The following FSTL5 variants were observed in gnomAD, a reference collection of about 807,000 sequenced individuals.
The protein encoded by FSTL5 is follistatin like 5, also known as follistatin-related protein 5.
A neutral mutation model predicts 89.1 loss-of-function variants in FSTL5; 62 were observed. The observed-to-expected ratio is 0.70, with a 90% CI of 0.57 to 0.86. The LOEUF (loss-of-function observed/expected upper bound fraction) is 0.86, where lower values mean the gene tolerates loss of function less well. FSTL5 is among the 40% of genes least tolerant of loss of function. FSTL5 has a pLI of 0.00. For missense variants in FSTL5, 1,057 were observed against 1,001.6 expected, an observed-to-expected ratio of 1.06 and a Z score of -0.75; for synonymous variants, 383 against 346.2, an observed-to-expected ratio of 1.11 and a Z score of -1.18.
intron 6 of FSTL5, among the ~76,000 whole-genome samples, chr4:161,698,462 A>G (rs1738263355): frequency 1.3e-5 from 2 of 152,186 alleles, no homozygotes; most frequent in South Asian, 4.1e-4. Flanking sequence ...ACTTGTGACT[A>G]TAGTCAATGA....
At chr4:161,647,805 T>G (rs999595639) in intron 7 of FSTL5, among the ~76,000 whole-genome samples, 6 of 152,090 alleles carry the variant, frequency 3.9e-5, no homozygotes, top group Admixed American at 2.0e-4. Flanking sequence ...CAGGCATTTT[T>G]GTTTTCCTGC....
intron 2 of FSTL5, among the ~76,000 whole-genome samples, chr4:162,038,798 A>T (rs1330648785): frequency 6.6e-6 from 1 of 151,840 alleles, no homozygotes; most frequent in Non-Finnish European, 1.5e-5. Context: ...CTTCCTTCTC[A>T]CTGAGAAGCA....
intron 7 of FSTL5, among the ~76,000 whole-genome samples, chr4:161,605,612 C>A (rs528115128): frequency 1.3e-5 from 2 of 152,234 alleles, no homozygotes; most frequent in Admixed American, 1.3e-4. Flanking sequence ...AAACGAATAA[C>A]CTCTATTTCA....
chr4:161,812,335 G>A (rs961154973), intron 4 of FSTL5, among the ~76,000 whole-genome samples: 1 of 152,108 alleles, frequency 6.6e-6, no homozygotes, highest in Non-Finnish European at 1.5e-5. Flanking sequence ...TTTATGCGTA[G>A]GATCACAGTC....
intron 6 of FSTL5, among the ~76,000 whole-genome samples, chr4:161,731,105 C>T (rs716528): frequency 0.012 from 1,771 of 152,168 alleles, 42 homozygotes; most frequent in South Asian, 0.07. Flanking sequence ...ATTTTGCACC[C>T]TTAAGTTGCA....
chr4:161,904,497 T>C (rs973873655), intron 4 of FSTL5, among the ~76,000 whole-genome samples: 2 of 152,036 alleles, frequency 1.3e-5, no homozygotes, highest in African/African-American at 4.8e-5. Flanking sequence ...ATACATACTA[T>C]TGAAATTTAT....
At chr4:161,633,210 C>A (rs1735558393) in intron 7 of FSTL5, among the ~76,000 whole-genome samples, 1 of 151,176 alleles carries the variant, frequency 6.6e-6, no homozygotes, top group African/African-American at 2.4e-5. Flanking sequence ...ATTCCCAATA[C>A]TTAATTTTAT....
At chr4:162,004,232 G>C (rs1245301131) in intron 3 of FSTL5, among the ~76,000 whole-genome samples, 1 of 152,054 alleles carries the variant, frequency 6.6e-6, no homozygotes, top group African/African-American at 2.4e-5. Context: ...TCCTCCTTTT[G>C]TGTGGCCAAT....
chr4:161,923,903 T>C (rs1734057782), intron 3 of FSTL5, among the ~76,000 whole-genome samples: 1 of 151,856 alleles, frequency 6.6e-6, no homozygotes. Context: ...GCTGCTACAA[T>C]TAAACGAAAT....
At chr4:161,515,874 T>A (rs1415933293) in intron 10 of FSTL5, among the ~76,000 whole-genome samples, 1 of 151,310 alleles carries the variant, frequency 6.6e-6, no homozygotes, top group Non-Finnish European at 1.5e-5. Flanking sequence ...TTATTTCCAG[T>A]AGTATATGTT....
intron 4 of FSTL5, among the ~76,000 whole-genome samples, chr4:161,882,533 T>C (rs985494715): frequency 3.9e-5 from 6 of 152,150 alleles, no homozygotes; most frequent in African/African-American, 4.8e-5. Flanking sequence ...CTAATGGTAT[T>C]ATTTTTTAAT....
intron 2 of FSTL5, among the ~76,000 whole-genome samples, chr4:162,101,593 A>T (rs1042106968): frequency 3.3e-5 from 5 of 152,172 alleles, no homozygotes; most frequent in African/African-American, 4.8e-5. Context: ...GTATTAGATT[A>T]AAAAAATAGA....
intron 2 of FSTL5, among the ~76,000 whole-genome samples, chr4:162,090,980 A>G (rs183944336): frequency 2.0e-5 from 3 of 152,222 alleles, no homozygotes; most frequent in African/African-American, 4.8e-5. Context: ...TCTGCTCCTC[A>G]TGTTTTTAAA....
intron 4 of FSTL5, among the ~76,000 whole-genome samples, chr4:161,851,892 T>TACACAC (rs140056514): frequency 0.7 from 104,895 of 149,758 alleles, 36,662 homozygotes; most frequent in Non-Finnish European, 0.73. Context: ...ATCTCATCCC[T>TACACAC]ACACACACAC....
At position 161,967,079 on chromosome 4, in the gene FSTL5, CA is replaced by C. The variant is rs11385218; in HGVS notation, c.161-46428del. Among the ~76,000 whole-genome samples the C allele has an allele frequency of 6.4e-3, 804 of 125,422 alleles. 3 individuals carry two copies. Among genetic ancestry groups the C allele is most frequent in the East Asian group, 0.029 (125 of 4,304 alleles). The allele number at this position is 125,422 out of a possible 152,430, so 82.3% of individuals were successfully genotyped here. On this transcript the variant is annotated intron_variant, in intron 3 of 15. Coordinates refer to ENST00000306100, the MANE Select transcript of FSTL5 (RefSeq NM_020116.5). ...TAAATGATATGGGATTTCTGTTTCA[CA>C]AAAAAAAAAAAACTGTTTCATAAAA...
At chr4:161,747,904 A>G (rs564150373) in intron 6 of FSTL5, among the ~76,000 whole-genome samples, 1 of 152,302 alleles carries the variant, frequency 6.6e-6, no homozygotes, top group Non-Finnish European at 1.5e-5. Context: ...TGGAAATTTA[A>G]CATAAATTTA....
At chr4:161,745,632 T>C (rs1235357092) in intron 6 of FSTL5, among the ~76,000 whole-genome samples, 7 of 151,972 alleles carry the variant, frequency 4.6e-5, no homozygotes, top group Non-Finnish European at 1.0e-4. Context: ...ACAAAAATTA[T>C]ATTCTTTCTA....
intron 6 of FSTL5, among the ~76,000 whole-genome samples, chr4:161,703,192 A>T (rs1738461977): frequency 1.3e-5 from 2 of 151,948 alleles, no homozygotes. Context: ...AAAAATATAT[A>T]TCTCTTATTT....
intron 4 of FSTL5, among the ~76,000 whole-genome samples, chr4:161,849,691 G>C (rs1579139906): frequency 6.6e-6 from 1 of 152,112 alleles, no homozygotes; most frequent in Non-Finnish European, 1.5e-5. Flanking sequence ...AATTATAGGA[G>C]TAAAAATGTT....
Sources: gnomAD v4.1 joint callset for allele counts (sites outside exome capture counted in the v4.1 genomes callset) on GRCh38, gnomAD v4.1.1 for gene constraint, MANE v1.5 for transcripts, NCBI Gene and HGNC (gene_info 2026-07-23, HGNC 2026-07-21) for gene names.